Variants in TCF23 observed in about 807,000 individuals in gnomAD.
The protein encoded by TCF23 is class A basic helix-loop-helix protein 24.
TCF23 carries 7 observed loss-of-function variants against 13.0 expected under a neutral mutation model. The observed-to-expected ratio is 0.54, with a 90% CI of 0.31 to 1.01. The LOEUF is 1.01. TCF23 is among the 50% of genes least tolerant of loss of function. The pLI is 0.06. For synonymous variants in TCF23, 122 were observed against 119.5 expected (o/e 1.02, Z -0.14); for missense variants, 257 against 289.8 (o/e 0.89, Z 0.82).
chr2:27,152,700 C>A lies in TCF23; in HGVS notation c.478C>A (p.Arg160=), dbSNP rs149327435. 1.6e-4 allele frequency: 262 copies of A among 1,613,020 alleles called. No individual in the cohort carries two copies. The highest frequency in any genetic ancestry group is 2.2e-4 in the Non-Finnish European group (256 of 1,179,540). The change falls in exon 3 of 3, where the codon CGA becomes AGA. Residue 160 remains arginine, a synonymous_variant. Transcript: ENST00000296096. ...CTGTGTCTTGCAGAAGTGGCCGATG[C>A]GATCTCGTCTCTATGCTGGAGGCCT... The part of the protein sequence containing the change: ...YLHPLKKWPM[R]SRLYAGGLGY...
In TCF23 at chr2:27,150,147, G is replaced by A. The variant is rs762601345; in HGVS notation, c.247G>A (p.Ala83Thr). The change falls in exon 2 of 3, where the codon GCG becomes ACG. Residue 83 changes from alanine (A) to threonine (T), a missense_variant. Coordinates refer to ENST00000296096, the MANE Select transcript of TCF23 (RefSeq NM_175769.3). This position sits in a 1 kb window ranked among gnomAD's most constrained non-coding sequence, Gnocchi z 4.1. Reference sequence around the variant, plus strand: ...GAGCGAGGCCAGTCCTGAGAATGCCGCGCGGGAGCGGAGCCGGGTCAGGAC... The same window carrying A: ...GAGCGAGGCCAGTCCTGAGAATGCCACGCGGGAGCGGAGCCGGGTCAGGAC... The part of the protein sequence containing the change: ...GRSEASPENA[A>T]RERSRVRTLR... 7.5e-6 allele frequency: 12 copies of A among 1,607,242 alleles called. No individual in the cohort carries two copies. Among genetic ancestry groups the A allele is most frequent in the East Asian group, 2.2e-5 (1 of 44,836 alleles).
In TCF23 at chr2:27,150,462, C is replaced by G; in HGVS notation, c.465+97C>G. On this transcript the variant is annotated intron_variant, in intron 2 of 2. Transcript: ENST00000296096. This position sits in a 1 kb window ranked among gnomAD's most constrained non-coding sequence, Gnocchi z 4.1. ...AGGGGGGACATTGGACTTGGGCCCC[C>G]TGCCCTGTGCAGAACTGACGTCGGA... is the stretch of plus-strand genomic sequence containing the variant. 6.5e-7 allele frequency: 1 copy of G among 1,549,190 alleles called. No homozygotes were observed. Among genetic ancestry groups the G allele is most frequent in the South Asian group, 1.2e-5 (1 of 81,676 alleles).
chr2:27,153,860 G>C lies in TCF23; in HGVS notation c.*993G>C, dbSNP rs1030188448. On this transcript the variant is annotated 3_prime_UTR_variant, in exon 3 of 3. Coordinates refer to ENST00000296096, the MANE Select transcript of TCF23 (RefSeq NM_175769.3). ...GCCTTAAATATGAAGGATATTGACA[G>C]AATCAATTACATCCTTGAAGGACCT... 18 of 152,336 alleles carry C rather than the reference G, an allele frequency of 1.2e-4. No homozygotes were observed. Among genetic ancestry groups the C allele is most frequent in the African/African-American group, 4.3e-4 (18 of 41,568 alleles). 9.4% of individuals were successfully genotyped at this position (152,336 alleles called of 1,614,324 possible).
Position 27,152,997 on chromosome 2 carries a change from G to GA in TCF23, c.*131dup. 1 of 1,509,270 alleles carries GA rather than the reference G, an allele frequency of 6.6e-7. No individual in the cohort carries two copies. The highest frequency in any genetic ancestry group is 8.8e-7 in the Non-Finnish European group (1 of 1,132,496). 93.5% of individuals were successfully genotyped at this position (1,509,270 alleles called of 1,614,324 possible). On this transcript the variant is annotated 3_prime_UTR_variant, in exon 3 of 3. Transcript: ENST00000296096. The stretch of plus-strand genomic sequence containing the variant: ...TCCCAAGTTCCAGCATGCAGACCAA[G>GA]AGAAGCAGTAGCACTTCTGTGATGG...
Position 27,149,313 on chromosome 2 carries a change from T to C in TCF23, c.180T>C (p.Pro60=). The change falls in exon 1 of 3, where the codon CCT becomes CCC. Residue 60 remains proline, a synonymous_variant. Coordinates refer to ENST00000296096, the MANE Select transcript of TCF23 (RefSeq NM_175769.3). ...WSNQRWSRAT[P]GPRGTRAGGL... ...ACCAGAGATGGAGCAGAGCTACCCC[T>C]GGCCCTCGAGGGACCAGGGCTGGGG... is the stretch of plus-strand genomic sequence containing the variant. 6.3e-7 allele frequency: 1 copy of C among 1,594,522 alleles called. No individual in the cohort carries two copies. Among genetic ancestry groups the C allele is most frequent in the South Asian group, 1.1e-5 (1 of 87,528 alleles).
In TCF23 at chr2:27,152,714, T is replaced by C. The variant is rs1342909455; in HGVS notation, c.492T>C (p.Tyr164=). 1.2e-6 allele frequency: 2 copies of C among 1,613,924 alleles called. No individual in the cohort carries two copies. Among genetic ancestry groups the C allele is most frequent in the African/African-American group, 2.7e-5 (2 of 74,908 alleles). The change falls in exon 3 of 3, where the codon TAT becomes TAC. Residue 164 remains tyrosine, a synonymous_variant. Coordinates refer to ENST00000296096, the MANE Select transcript of TCF23 (RefSeq NM_175769.3). ...LKKWPMRSRL[Y]AGGLGYSDLD... is the part of the protein sequence containing the mutation. ...AGTGGCCGATGCGATCTCGTCTCTA[T>C]GCTGGAGGCCTGGGGTACTCCGATC...
At position 27,150,275 on chromosome 2, in the gene TCF23, A is replaced by T. The variant is rs953823726; in HGVS notation, c.375A>T (p.Ile125=). 1 of 1,613,790 alleles carries T rather than the reference A, an allele frequency of 6.2e-7. No homozygotes were observed. Among genetic ancestry groups the T allele is most frequent in the Admixed American group, 1.7e-5 (1 of 60,030 alleles). The change falls in exon 2 of 3, where the codon ATA becomes ATT. Residue 125 remains isoleucine (I), a synonymous_variant. Coordinates refer to ENST00000296096, the MANE Select transcript of TCF23 (RefSeq NM_175769.3). The surrounding 1 kb of genome is among the most constrained non-coding windows in gnomAD (Gnocchi z 4.1). The part of the protein sequence containing the change: ...LDVLVLAASY[I]AHLTRTLGHE... ...TGCTGGTGCTCGCCGCCAGCTACAT[A>T]GCCCACCTCACCCGCACACTCGGCC...
At position 27,156,953 on chromosome 2, in the gene TCF23, G is replaced by A. The variant is rs1672845738; in HGVS notation, c.*4086G>A. On this transcript the variant is annotated 3_prime_UTR_variant, in exon 3 of 3. Transcript: ENST00000296096. The stretch of plus-strand genomic sequence containing the variant: ...CCCCCCATGTATTTTTGTAAATAAA[G>A]TTTTATTGGAACACATCCACACCCA... 2.0e-5 allele frequency: 3 copies of A among 152,340 alleles called. No homozygotes were observed. The highest frequency in any genetic ancestry group is 4.1e-4 in the South Asian group (2 of 4,830). The allele number at this position is 152,340 out of a possible 1,614,324, so 9.4% of individuals were successfully genotyped here. A position where few individuals can be genotyped will look rare whatever the true frequency, so the allele number is the denominator to read the frequency against.
At chr2:27,151,544 G>A (rs1251834865) in intron 2 of TCF23, among the ~76,000 whole-genome samples, 1 of 152,108 alleles carries the variant, frequency 6.6e-6, no homozygotes, top group African/African-American at 2.4e-5. Flanking sequence ...ACTTTGGCCA[G>A]GTTGGTCTCA....
Position 27,153,488 on chromosome 2 carries a change from T to A in TCF23, c.*621T>A, listed in dbSNP as rs1409946893. On this transcript the variant is annotated 3_prime_UTR_variant, in exon 3 of 3. Coordinates refer to ENST00000296096, the MANE Select transcript of TCF23 (RefSeq NM_175769.3). ...CTCACCACTACATTTTCTCTCCCTC[T>A]CGGCTCCTGCACTCTTCCACTCTTT... The A allele has an allele frequency of 7.3e-6, 1 of 136,838 alleles. No individual in the cohort carries two copies. Among genetic ancestry groups the A allele is most frequent in the African/African-American group, 2.6e-5 (1 of 38,236 alleles). The allele number at this position is 136,838 out of a possible 1,614,324, so 8.5% of individuals were successfully genotyped here.
rs1323168587 is a variant in TCF23 at position 27,153,504 on chromosome 2, TCCAC to T, written c.*638_*641del. ...CTCTCCCTCTCGGCTCCTGCACTCT[TCCAC>T]TCTTTTCTTTTCTTTTCTTTTCTTT... On this transcript the variant is annotated 3_prime_UTR_variant, in exon 3 of 3. Coordinates refer to ENST00000296096, the MANE Select transcript of TCF23 (RefSeq NM_175769.3). 2 of 149,376 alleles carry T rather than the reference TCCAC, an allele frequency of 1.3e-5. No homozygotes were observed. The highest frequency in any genetic ancestry group is 5.2e-5 in the African/African-American group (2 of 38,702). The allele number at this position is 149,376 out of a possible 1,614,324, so 9.3% of individuals were successfully genotyped here.
Position 27,149,038 on chromosome 2 carries a change from C to T in TCF23, c.-96C>T. 1 of 1,212,044 alleles carries T rather than the reference C, an allele frequency of 8.3e-7. No individual in the cohort carries two copies. Among genetic ancestry groups the T allele is most frequent in the South Asian group, 1.5e-5 (1 of 66,998 alleles). The allele number at this position is 1,212,044 out of a possible 1,614,324, so 75.1% of individuals were successfully genotyped here. A position where few individuals can be genotyped will look rare whatever the true frequency, so the allele number is the denominator to read the frequency against. Reference sequence around the variant, plus strand: ...CCAGCTTCCTCGGATGTAGATATTGCTGGCTGGATGACCAGCCACAGCCAG... The same window carrying T: ...CCAGCTTCCTCGGATGTAGATATTGTTGGCTGGATGACCAGCCACAGCCAG... On this transcript the variant is annotated 5_prime_UTR_variant, in exon 1 of 3. Transcript: ENST00000296096.
rs774151288 is a variant in TCF23 at position 27,152,802 on chromosome 2, G to A, written c.580G>A (p.Val194Ile). 1 of 1,614,076 alleles carries A rather than the reference G, an allele frequency of 6.2e-7. No homozygotes were observed. Among genetic ancestry groups the A allele is most frequent in the Non-Finnish European group, 8.5e-7 (1 of 1,180,044 alleles). Residue 194 changes from valine (V) to isoleucine (I), a missense_variant, in exon 3 of 3, where the codon GTC (valine) becomes ATC (isoleucine). By Grantham distance (29) the Val-to-Ile change is conservative. Transcript: ENST00000296096. ...AAGAGATGCAGAGGTGGGGTCCCAA[G>A]TCCCTGGAGAGGCAGATGCTCTCCT... is the stretch of plus-strand genomic sequence containing the variant. ...RTRDAEVGSQ[V>I]PGEADALLST... is the part of the protein sequence containing the mutation.
rs1210240174 is a variant in TCF23, at chr2:27,150,251, G to A, written c.351G>A (p.Val117=). The change falls in exon 2 of 3, where the codon GTG becomes GTA. Residue 117 remains valine (V), a synonymous_variant. Transcript: ENST00000296096. This position sits in a 1 kb window ranked among gnomAD's most constrained non-coding sequence, Gnocchi z 4.1. Reference sequence around the variant, plus strand: ...ACACCAAGCTCTCCAAGTTGGACGTGCTGGTGCTCGCCGCCAGCTACATAG... The same window carrying A: ...ACACCAAGCTCTCCAAGTTGGACGTACTGGTGCTCGCCGCCAGCTACATAG... ...PPDTKLSKLD[V]LVLAASYIAH... The A allele has an allele frequency of 6.2e-7, 1 of 1,613,682 alleles. No individual in the cohort carries two copies. The highest frequency in any genetic ancestry group is 1.1e-5 in the South Asian group (1 of 91,072).
chr2:27,155,554 A>T lies in TCF23; in HGVS notation c.*2687A>T, dbSNP rs1672824290. ...GGAGTTCGAGACCAGCCTCGCCAAC[A>T]TGATGAAACCCCTTCTTTACTAAAA... On this transcript the variant is annotated 3_prime_UTR_variant, in exon 3 of 3. Coordinates refer to ENST00000296096, the MANE Select transcript of TCF23 (RefSeq NM_175769.3). The T allele has an allele frequency of 6.6e-6, 1 of 152,132 alleles. No homozygotes were observed. Among genetic ancestry groups the T allele is most frequent in the African/African-American group, 2.4e-5 (1 of 41,426 alleles). 9.4% of individuals were successfully genotyped at this position (152,132 alleles called of 1,614,324 possible).
chr2:27,151,873 C>T (rs1013985273), intron 2 of TCF23, among the ~76,000 whole-genome samples: 3 of 151,414 alleles, frequency 2.0e-5, no homozygotes, highest in African/African-American at 7.3e-5. Flanking sequence ...ACTCTAAGCT[C>T]AAGTGATCCT....
In TCF23 at chr2:27,149,223, T is replaced by C. The variant is rs1672720354; in HGVS notation, c.90T>C (p.Ala30=). The C allele has an allele frequency of 1.3e-6, 2 of 1,562,206 alleles. No homozygotes were observed. Among genetic ancestry groups the C allele is most frequent in the Non-Finnish European group, 1.7e-6 (2 of 1,153,362 alleles). Residue 30 remains alanine (A), a synonymous_variant, in exon 1 of 3, where the codon GCT becomes GCC. Coordinates refer to ENST00000296096, the MANE Select transcript of TCF23 (RefSeq NM_175769.3). The part of the protein sequence containing the change: ...TQAKARLLPG[A]DRKRSRLSRT... ...CCAAAGCACGGTTGCTGCCAGGCGCTGACAGGAAGAGGAGCCGCCTCAGCA... is the reference window on the plus strand; with the variant it reads ...CCAAAGCACGGTTGCTGCCAGGCGCCGACAGGAAGAGGAGCCGCCTCAGCA...
rs1672785483 is a variant in TCF23, at chr2:27,153,122, G to T, written c.*255G>T. On this transcript the variant is annotated 3_prime_UTR_variant, in exon 3 of 3. Transcript: ENST00000296096. ...GTGACAGCTACTGGGAAGTGGGAGA[G>T]AAAGAGGTATAATTGGGCTCAAAGT... 1.3e-6 allele frequency: 1 copy of T among 796,166 alleles called. No homozygotes were observed. The highest frequency in any genetic ancestry group is 3.8e-5 in the Admixed American group (1 of 26,108). The allele number at this position is 796,166 out of a possible 1,614,324, so 49.3% of individuals were successfully genotyped here. A position where few individuals can be genotyped will look rare whatever the true frequency, so the allele number is the denominator to read the frequency against.
rs1013251769 is a variant in TCF23, at chr2:27,152,934, C to A, written c.*67C>A. 3.2e-6 allele frequency: 5 copies of A among 1,551,916 alleles called. No individual in the cohort carries two copies. The highest frequency in any genetic ancestry group is 4.4e-6 in the Non-Finnish European group (5 of 1,147,686). ...TATGGGCCTGGATTTTCTACCAGCC[C>A]CCAGATTCTCAGCCATCAGACTTGA... On this transcript the variant is annotated 3_prime_UTR_variant, in exon 3 of 3. Coordinates refer to ENST00000296096, the MANE Select transcript of TCF23 (RefSeq NM_175769.3).
Sources: gnomAD v4.1 joint callset for allele counts (sites outside exome capture counted in the v4.1 genomes callset) on GRCh38, gnomAD v4.1.1 for gene constraint, Gnocchi (gnomAD v3.1) non-coding constraint, MANE v1.5 for transcripts, NCBI Gene and HGNC (gene_info 2026-07-23, HGNC 2026-07-21) for gene names.